AKAP6: variants seen among roughly 807,000 people sequenced by gnomAD.
AKAP6 encodes the protein A-kinase anchor protein 6.
Under a neutral mutation model 188.5 loss-of-function variants are expected in AKAP6, and 58 were observed. The ratio of observed to expected loss-of-function variants is 0.31; its 90% CI spans 0.25 to 0.38. The LOEUF is 0.38. AKAP6 is among the 10% of genes least tolerant of loss of function. AKAP6 has a pLI of 1.00. For missense variants in AKAP6, 2,710 were observed against 2,740.0 expected (o/e 0.99, Z 0.24); for synonymous variants, 989 against 998.6 (o/e 0.99, Z 0.18).
chr14:32,717,779 A>G (rs1047290953), intron 9 of AKAP6, among the ~76,000 whole-genome samples: 6 of 152,086 alleles, frequency 3.9e-5, no homozygotes, highest in African/African-American at 1.4e-4. Flanking sequence ...TTCCACTTGT[A>G]CCCTAGAGCT....
rs539689873 is a variant in AKAP6, at chr14:32,818,080, T to C, written c.3589-3322T>C. ...AATTTAATCCACAACAGGAAGGGAG[T>C]GAGCGAGGGCAGAGTGAGTAGCACT... is the stretch of plus-strand genomic sequence containing the variant. On this transcript the variant is annotated intron_variant, in intron 12 of 13. Transcript: ENST00000280979. Among the ~76,000 whole-genome samples the C allele has an allele frequency of 7.2e-5, 11 of 152,000 alleles. No individual in the cohort carries two copies. In the South Asian group the frequency reaches 2.1e-3, roughly 29 times the overall value.
At position 32,823,844 on chromosome 14, in the gene AKAP6, A is replaced by G. The variant is rs2034600848; in HGVS notation, c.6031A>G (p.Met2011Val). The G allele has an allele frequency of 1.2e-6, 2 of 1,613,672 alleles. No individual in the cohort carries two copies. The highest frequency in any genetic ancestry group is 4.5e-5 in the East Asian group (2 of 44,876). The stretch of plus-strand genomic sequence containing the variant: ...GAAATCATCTGATGATGCACCGAGT[A>G]TGGCTGGAAAATCTGCTGGTTGTTG... ...ALKSSDDAPS[M>V]AGKSAGCCLA... Residue 2011 changes from methionine (M) to valine (V), a missense_variant, in exon 13 of 14, where the codon ATG becomes GTG. Physicochemically the swap from Met to Val is conservative, Grantham distance 21. Coordinates refer to ENST00000280979, the MANE Select transcript of AKAP6 (RefSeq NM_004274.5).
chr14:32,632,102 G>T (rs1056479478), intron 7 of AKAP6, among the ~76,000 whole-genome samples: 2 of 151,912 alleles, frequency 1.3e-5, no homozygotes, highest in Admixed American at 1.3e-4. Context: ...TTTAATGAGG[G>T]AGGTTAGGAA....
At chr14:32,813,874 ATTT>A (rs71115099) in intron 12 of AKAP6, among the ~76,000 whole-genome samples, 1 of 142,632 alleles carries the variant, frequency 7.0e-6, no homozygotes. Flanking sequence ...AAGTGATAGG[ATTT>A]TTTTTTTTTT....
intron 4 of AKAP6, among the ~76,000 whole-genome samples, chr14:32,560,452 G>T (rs1444451524): frequency 2.0e-5 from 3 of 152,126 alleles, no homozygotes; most frequent in Admixed American, 2.0e-4. Flanking sequence ...TGATGATTTA[G>T]CACCACCGTG....
At chr14:32,771,808 A>G (rs760097507) in intron 11 of AKAP6, among the ~76,000 whole-genome samples, 1 of 152,230 alleles carries the variant, frequency 6.6e-6, no homozygotes, top group Non-Finnish European at 1.5e-5. Flanking sequence ...TGGCACAGAA[A>G]CATCTCTTTT....
At chr14:32,784,391 A>G (rs2033341383) in intron 12 of AKAP6, among the ~76,000 whole-genome samples, 2 of 152,198 alleles carry the variant, frequency 1.3e-5, no homozygotes, top group Non-Finnish European at 2.9e-5. Context: ...TGCCATCTTA[A>G]CAAACCTCTC....
intron 9 of AKAP6, among the ~76,000 whole-genome samples, chr14:32,699,173 C>T (rs1890526052): frequency 1.3e-5 from 2 of 152,042 alleles, no homozygotes; most frequent in African/African-American, 4.8e-5. Context: ...CCTGACTTTA[C>T]CTATATATTT....
Position 32,823,030 on chromosome 14 carries a change from T to C in AKAP6, c.5217T>C (p.Asn1739=). 6 of 1,613,882 alleles carry C rather than the reference T, an allele frequency of 3.7e-6. No individual in the cohort carries two copies. Among genetic ancestry groups the C allele is most frequent in the Admixed American group, 1.7e-5 (1 of 59,958 alleles). The change falls in exon 13 of 14, where the codon AAT becomes AAC. Residue 1739 remains asparagine, a synonymous_variant. Transcript: ENST00000280979. The part of the protein sequence containing the change: ...ESDVNVSMIV[N]VSCTSACTDD... ...ATGTCAATGTCAGCATGATTGTTAA[T>C]GTCTCTTGCACCTCTGCTTGCACTG...
chr14:32,757,204 T>C (rs1452276495), intron 11 of AKAP6, among the ~76,000 whole-genome samples: 1 of 152,232 alleles, frequency 6.6e-6, no homozygotes. Flanking sequence ...CCAAGTGCTG[T>C]AATCTCTCAT....
chr14:32,476,023 T>C (rs1312015549), intron 2 of AKAP6, among the ~76,000 whole-genome samples: 1 of 152,130 alleles, frequency 6.6e-6, no homozygotes, highest in Non-Finnish European at 1.5e-5. Context: ...TTTAAGTACA[T>C]TTTTAACTAG....
At chr14:32,415,678 A>G (rs918340635) in intron 1 of AKAP6, among the ~76,000 whole-genome samples, 2 of 152,174 alleles carry the variant, frequency 1.3e-5, no homozygotes, top group Non-Finnish European at 2.9e-5. Context: ...CCATTAAACA[A>G]TAACTCCCCA....
chr14:32,521,948 G>T (rs1317944625), intron 2 of AKAP6, among the ~76,000 whole-genome samples: 4 of 152,068 alleles, frequency 2.6e-5, no homozygotes, highest in East Asian at 3.9e-4. Context: ...ATACTACAAG[G>T]CTACAGTAAC....
At chr14:32,663,060 A>G (rs1888772249) in intron 7 of AKAP6, among the ~76,000 whole-genome samples, 1 of 152,116 alleles carries the variant, frequency 6.6e-6, no homozygotes, top group South Asian at 2.1e-4. Flanking sequence ...GTATAATTAT[A>G]GGCTAATTGA....
intron 1 of AKAP6, among the ~76,000 whole-genome samples, chr14:32,352,566 C>G (rs1887325260): frequency 6.6e-6 from 1 of 152,276 alleles, no homozygotes; most frequent in African/African-American, 2.4e-5. Flanking sequence ...CTCCCTCCCT[C>G]TCTCTGTCCT....
At chr14:32,706,405 C>A (rs187674894) in intron 9 of AKAP6, among the ~76,000 whole-genome samples, 1 of 152,136 alleles carries the variant, frequency 6.6e-6, no homozygotes, top group East Asian at 1.9e-4. Context: ...CTCACTGGGG[C>A]CTCCTGCATT....
At chr14:32,502,468 G>A (rs1343866620) in intron 2 of AKAP6, among the ~76,000 whole-genome samples, 1 of 152,008 alleles carries the variant, frequency 6.6e-6, no homozygotes, top group Admixed American at 6.6e-5. Context: ...TCTTATATTT[G>A]TGAATATGAA....
intron 7 of AKAP6, among the ~76,000 whole-genome samples, chr14:32,613,841 T>C (rs1783815461): frequency 6.6e-6 from 1 of 152,196 alleles, no homozygotes; most frequent in Admixed American, 6.5e-5. Context: ...TGGGCACCAC[T>C]ACCCAGCTTT....
At chr14:32,667,654 G>A (rs552490821) in intron 7 of AKAP6, among the ~76,000 whole-genome samples, 4 of 152,190 alleles carry the variant, frequency 2.6e-5, no homozygotes, top group Admixed American at 6.5e-5. Context: ...GAGGATATAG[G>A]CACTGAGCTG....
Sources: allele counts gnomAD v4.1 joint callset (sites outside exome capture counted in the v4.1 genomes callset), GRCh38; gene constraint gnomAD v4.1.1; transcripts MANE v1.5; gene names NCBI Gene and HGNC (gene_info 2026-07-23, HGNC 2026-07-21).